SERP2: variants seen among roughly 807,000 people sequenced by gnomAD.
SERP2 encodes the protein stress-associated endoplasmic reticulum protein 2.
Under a neutral mutation model 9.1 loss-of-function variants are expected in SERP2, and 6 were observed. That is an observed-to-expected ratio of 0.66 (90% CI 0.36 to 1.30). SERP2 has a LOEUF of 1.30. Among genes scored for constraint, SERP2 ranks in the 50% most tolerant of loss-of-function variants. SERP2 has a pLI of 0.03. For missense variants in SERP2, 58 were observed against 81.9 expected, an observed-to-expected ratio of 0.71 and a Z score of 1.13; for synonymous variants, 37 against 27.3, an observed-to-expected ratio of 1.35 and a Z score of -1.10.
chr13:44,379,572 C>T lies in SERP2; in HGVS notation c.85-69C>T, dbSNP rs961938822. ...GAATCCCCAGCACCTAGCACAATGC[C>T]TAGTGATACTCAAATAATTGTTTAT... On this transcript the variant is annotated intron_variant, in intron 1 of 2. Coordinates refer to ENST00000379179, the MANE Select transcript of SERP2 (RefSeq NM_001010897.3). 1.0e-5 allele frequency: 12 copies of T among 1,196,528 alleles called. No individual in the cohort carries two copies. The African/African-American group carries it at 1.7e-4, about 16-fold the overall frequency. The allele number at this position is 1,196,528 out of a possible 1,614,324, so 74.1% of individuals were successfully genotyped here. A position where few individuals can be genotyped will look rare whatever the true frequency, so the allele number is the denominator to read the frequency against.
At chr13:44,385,567 T>A (rs1872269206) in intron 2 of SERP2, among the ~76,000 whole-genome samples, 1 of 152,192 alleles carries the variant, frequency 6.6e-6, no homozygotes, top group Non-Finnish European at 1.5e-5. Context: ...ATTTCTACTT[T>A]CCATGATTGC....
intron 1 of SERP2, among the ~76,000 whole-genome samples, chr13:44,374,688 T>C (rs1426033324): frequency 2.0e-5 from 3 of 152,196 alleles, no homozygotes; most frequent in African/African-American, 7.2e-5. Context: ...AGCCCCTTTG[T>C]GACGGTTTCA....
In SERP2 at chr13:44,395,415, T is replaced by C. The variant is rs549595086; in HGVS notation, c.158-1857T>C. On this transcript the variant is annotated intron_variant, in intron 2 of 2. Transcript: ENST00000379179. ...GTCAGGAGATCGAGACCATTCTGGCTAACACGGTGAAATCCCGTCTCTACT... is the reference window on the plus strand; with the variant it reads ...GTCAGGAGATCGAGACCATTCTGGCCAACACGGTGAAATCCCGTCTCTACT... 3.2e-4 allele frequency among the ~76,000 whole-genome samples: 49 copies of C among 151,944 alleles called. 1 individual carries two copies. The East Asian group carries it at 9.3e-3, about 29-fold the overall frequency.
intron 2 of SERP2, among the ~76,000 whole-genome samples, chr13:44,395,468 G>A (rs1044630432): frequency 6.6e-6 from 1 of 151,980 alleles, no homozygotes; most frequent in South Asian, 2.1e-4. Flanking sequence ...GCCGGGCATG[G>A]TAGCGGGCAC....
In SERP2 at chr13:44,386,532, C is replaced by T. The variant is rs113490068; in HGVS notation, c.157+6819C>T. 6.9e-3 allele frequency among the ~76,000 whole-genome samples: 1,055 copies of T among 152,218 alleles called. 23 individuals carry two copies. Among genetic ancestry groups the T allele is most frequent in the Admixed American group, 0.036 (556 of 15,302 alleles). ...CCAAGTAGCTGGGATTACAGGCATG[C>T]GCCACCATGCCCAGCTAATTTTTGT... On this transcript the variant is annotated intron_variant, in intron 2 of 2. Transcript: ENST00000379179.
chr13:44,397,251 G>A, intron 2 of SERP2, 21 bp from the exon 3 acceptor site: 3 of 1,612,204 alleles, frequency 1.9e-6, no homozygotes, highest in Non-Finnish European at 2.5e-6. Context: ...TGTCTGAGCT[G>A]TGGTGTTTTC....
At chr13:44,396,433 C>CA (rs112700748) in intron 2 of SERP2, among the ~76,000 whole-genome samples, 5,411 of 93,510 alleles carry the variant, frequency 0.058, 273 homozygotes, top group African/African-American at 0.16. Context: ...CACCCTCCTT[C>CA]AAAAAAAAAA....
chr13:44,389,357 G>A (rs1408714600), intron 2 of SERP2, among the ~76,000 whole-genome samples: 1 of 152,136 alleles, frequency 6.6e-6, no homozygotes, highest in Non-Finnish European at 1.5e-5. Context: ...AAAAGAGGAT[G>A]GTACTGGTTC....
At chr13:44,384,268 T>G (rs1872192331) in intron 2 of SERP2, among the ~76,000 whole-genome samples, 1 of 152,228 alleles carries the variant, frequency 6.6e-6, no homozygotes, top group Non-Finnish European at 1.5e-5. Flanking sequence ...TCACGATTCA[T>G]TTCTTCTTGC....
At chr13:44,396,602 T>A (rs1304353806) in intron 2 of SERP2, among the ~76,000 whole-genome samples, 5 of 152,150 alleles carry the variant, frequency 3.3e-5, no homozygotes, top group Non-Finnish European at 7.3e-5. Context: ...AGGCTGAAGC[T>A]ATGTAACCAG....
chr13:44,393,458 G>C (rs1555718), intron 2 of SERP2, among the ~76,000 whole-genome samples: 60,979 of 151,942 alleles, frequency 0.4, 13,293 homozygotes, highest in East Asian at 0.66. Flanking sequence ...GGATGCAGAG[G>C]CTTCGTGGGT....
At chr13:44,390,062 A>G (rs1872543107) in intron 2 of SERP2, among the ~76,000 whole-genome samples, 2 of 152,206 alleles carry the variant, frequency 1.3e-5, no homozygotes, top group South Asian at 4.1e-4. Flanking sequence ...ATTACCCTGC[A>G]TTCCCTCTTA....
upstream of SERP2, chr13:44,373,719 G>C (rs763423535): frequency 4.0e-5 from 14 of 353,176 alleles, no homozygotes; most frequent in Non-Finnish European, 6.1e-5. The surrounding 1 kb of genome is among the most constrained non-coding windows in gnomAD (Gnocchi z 4.8). Context: ...CTCGGCGCGG[G>C]AGGACGTGCG....
At chr13:44,374,177 C>CCCGGGGGGGGGGGGGGGGGGGGGGGGGGG in intron 1 of SERP2, 68 bp downstream of exon 1, 1 of 151,764 alleles carries the variant, frequency 6.6e-6, no homozygotes, top group Non-Finnish European at 1.2e-5. Flanking sequence ...AAGGTGGGGG[C>CCCGGGGGGGGGGGGGGGGGGGGGGGGGGG]GGGGCCGGGC....
chr13:44,373,967 C>A lies in SERP2; in HGVS notation c.-59C>A. 1 of 1,477,078 alleles carries A rather than the reference C, an allele frequency of 6.8e-7. No individual in the cohort carries two copies. The allele number at this position is 1,477,078 out of a possible 1,614,324, so 91.5% of individuals were successfully genotyped here. On this transcript the variant is annotated 5_prime_UTR_variant, in exon 1 of 3. Transcript: ENST00000379179. This position sits in a 1 kb window ranked among gnomAD's most constrained non-coding sequence, Gnocchi z 4.8. ...CTCGGCGGGACGCGCTCGGCCCTGT[C>A]GCAGGAGCTAACGCAGGGGGAATCC...
In SERP2 at chr13:44,395,461, G is replaced by A. The variant is rs376452431; in HGVS notation, c.158-1811G>A. ...CTACTAAAAATACAAAAAATTAGCC[G>A]GGCATGGTAGCGGGCACCTGTAGTC... On this transcript the variant is annotated intron_variant, in intron 2 of 2. Transcript: ENST00000379179. Among the ~76,000 whole-genome samples the A allele has an allele frequency of 2.7e-4, 41 of 151,948 alleles. 1 individual carries two copies. Among genetic ancestry groups the A allele is most frequent in the East Asian group, 2.5e-3 (13 of 5,158 alleles).
rs1873172318 is a variant in SERP2 at position 44,397,326 on chromosome 13, T to G, written c.*14T>G. Reference sequence around the variant, plus strand: ...ATGGGCATGTGAGAAAGCCAGGGATTTGACACCACCTCCCTCCCACTGGAG... The same window carrying G: ...ATGGGCATGTGAGAAAGCCAGGGATGTGACACCACCTCCCTCCCACTGGAG... On this transcript the variant is annotated 3_prime_UTR_variant, in exon 3 of 3. Coordinates refer to ENST00000379179, the MANE Select transcript of SERP2 (RefSeq NM_001010897.3). 2 of 1,605,012 alleles carry G rather than the reference T, an allele frequency of 1.2e-6. No homozygotes were observed. The highest frequency in any genetic ancestry group is 1.7e-6 in the Non-Finnish European group (2 of 1,171,952).
intron 2 of SERP2, among the ~76,000 whole-genome samples, chr13:44,384,531 T>C (rs1369617181): frequency 1.3e-5 from 2 of 152,204 alleles, no homozygotes; most frequent in Non-Finnish European, 2.9e-5. Context: ...ATCTGCCTGT[T>C]TGCAGCACGC....
chr13:44,377,893 T>C (rs902388452), intron 1 of SERP2, among the ~76,000 whole-genome samples: 7 of 152,230 alleles, frequency 4.6e-5, no homozygotes, highest in African/African-American at 1.4e-4. Context: ...TTCTATATAT[T>C]ACTACATGAA....
Sources: allele counts gnomAD v4.1 joint callset (sites outside exome capture counted in the v4.1 genomes callset), GRCh38; gene constraint gnomAD v4.1.1; non-coding constraint Gnocchi (gnomAD v3.1); transcripts MANE v1.5; gene names NCBI Gene and HGNC (gene_info 2026-07-23, HGNC 2026-07-21).